RYR3: variants seen among roughly 807,000 people sequenced by gnomAD.
RYR3 encodes the protein ryanodine receptor 3.
Under a neutral mutation model 584.3 loss-of-function variants are expected in RYR3, and 207 were observed. The observed-to-expected ratio is 0.35, with a 90% confidence interval of 0.32 to 0.40. The LOEUF is 0.40. RYR3 is among the 10% of genes least tolerant of loss of function. RYR3 has a pLI of 1.00. For synonymous variants in RYR3, 2,416 were observed against 2,248.5 expected (o/e 1.07, Z -2.11); for missense variants, 5,616 against 6,089.2 (o/e 0.92, Z 2.59).
Position 33,478,765 on chromosome 15 carries a change from A to G in RYR3, c.171+5227A>G, listed in dbSNP as rs117873840. On this transcript the variant is annotated intron_variant, in intron 2 of 103. Transcript: ENST00000634891. Reference sequence around the variant, plus strand: ...AACCCCAATACCCTTCCAAATCCCAACTTCCACCTTTCTTAATAGTAGATC... The same window carrying G: ...AACCCCAATACCCTTCCAAATCCCAGCTTCCACCTTTCTTAATAGTAGATC... 4.9e-3 allele frequency among the ~76,000 whole-genome samples: 743 copies of G among 152,274 alleles called. 13 individuals are homozygous for G. Among genetic ancestry groups the G allele is most frequent in the South Asian group, 0.046 (221 of 4,820 alleles).
rs1296685998 is a variant in RYR3 at position 33,861,867 on chromosome 15, T to C, written c.14465+689T>C. 3.3e-5 allele frequency among the ~76,000 whole-genome samples: 5 copies of C among 152,112 alleles called. No individual in the cohort carries two copies. The East Asian group carries it at 9.6e-4, about 29-fold the overall frequency. ...CTTGAACTCCTGACCTCAGGTGATC[T>C]GCCTGCCTCGGCCTCTCAGTGCTAG... On this transcript the variant is annotated intron_variant, in intron 102 of 103. Transcript: ENST00000634891.
chr15:33,691,626 A>C (rs1430394927), intron 38 of RYR3, among the ~76,000 whole-genome samples: 18 of 152,328 alleles, frequency 1.2e-4, no homozygotes, highest in Non-Finnish European at 2.9e-5. Flanking sequence ...ACTCCATCAC[A>C]CAAGTACTTT....
intron 3 of RYR3, among the ~76,000 whole-genome samples, chr15:33,513,647 G>A (rs1490795637): frequency 1.3e-5 from 2 of 152,160 alleles, no homozygotes; most frequent in Non-Finnish European, 2.9e-5. Flanking sequence ...TAGTGAGGTG[G>A]GAGATGGGGA....
chr15:33,521,047 G>C (rs538213201), intron 3 of RYR3, among the ~76,000 whole-genome samples: 31 of 152,254 alleles, frequency 2.0e-4, no homozygotes, highest in African/African-American at 7.2e-4. Flanking sequence ...AGGTTCCCCA[G>C]TTGTCTTCAG....
In RYR3 at chr15:33,634,716, C is replaced by T. The variant is rs1364719376; in HGVS notation, c.3158C>T (p.Pro1053Leu). ...GTTGGTTACGGGTATAACATTGAGC[C>T]ATCAGACCAAGAACTAGGTAATGAG... Reference protein sequence around the residue: ...TFVGYGYNIEPSDQELADSAV... With the variant: ...TFVGYGYNIELSDQELADSAV... The change falls in exon 25 of 104, where the codon CCA (proline) becomes CTA (leucine). Residue 1053 changes from proline to leucine, a missense_variant. By Grantham distance (98) the Pro-to-Leu change is moderately conservative (BLOSUM62 -3). Transcript: ENST00000634891. 1 of 1,613,934 alleles carries T rather than the reference C, an allele frequency of 6.2e-7. No individual in the cohort carries two copies. Among genetic ancestry groups the T allele is most frequent in the Admixed American group, 1.7e-5 (1 of 60,020 alleles).
intron 3 of RYR3, among the ~76,000 whole-genome samples, chr15:33,507,003 C>T (rs970201130): frequency 3.3e-5 from 5 of 152,112 alleles, no homozygotes; most frequent in African/African-American, 1.2e-4. Flanking sequence ...TGGAAATAGC[C>T]ATTTTCTGCT....
chr15:33,375,616 T>C (rs1340191525), intron 1 of RYR3, among the ~76,000 whole-genome samples: 1 of 152,190 alleles, frequency 6.6e-6, no homozygotes, highest in Admixed American at 6.5e-5. Context: ...TCTATCCACA[T>C]GTAGGGGTGA....
At position 33,825,601 on chromosome 15, in the gene RYR3, A is replaced by G; in HGVS notation, c.11073-2A>G. 6.2e-7 allele frequency: 1 copy of G among 1,607,956 alleles called. No homozygotes were observed. Among genetic ancestry groups the G allele is most frequent in the Non-Finnish European group, 8.5e-7 (1 of 1,175,522 alleles). On this transcript the variant is annotated splice_acceptor_variant, in intron 81 of 103. Coordinates refer to ENST00000634891, the MANE Select transcript of RYR3 (RefSeq NM_001036.6). LOFTEE classifies it high-confidence loss of function. ...ACCTTGTTTCTTTCTGTCTATTAAA[A>G]GTGTCCTTGATTTGAATGCATTTGA... is the stretch of plus-strand genomic sequence containing the variant.
chr15:33,788,662 C>T (rs2074895795), intron 67 of RYR3, among the ~76,000 whole-genome samples: 1 of 152,196 alleles, frequency 6.6e-6, no homozygotes, highest in Non-Finnish European at 1.5e-5. Flanking sequence ...TCTGTATGGT[C>T]TGTGACATGG....
At chr15:33,487,678 A>T (rs2596175) in intron 2 of RYR3, among the ~76,000 whole-genome samples, 84,712 of 152,006 alleles carry the variant, frequency 0.56, 23,792 homozygotes, top group African/African-American at 0.62. Flanking sequence ...AAACTAGCCT[A>T]CATCAGGCCG....
At chr15:33,818,807 C>T in intron 76 of RYR3, 123 bp downstream of exon 76, 1 of 690,450 alleles carries the variant, frequency 1.4e-6, no homozygotes, top group Non-Finnish European at 2.5e-6. Context: ...GCCCTCCTTG[C>T]TGCCTTATAT....
intron 38 of RYR3, among the ~76,000 whole-genome samples, chr15:33,686,985 C>A (rs950537491): frequency 1.3e-5 from 2 of 152,334 alleles, no homozygotes; most frequent in Admixed American, 6.5e-5. Context: ...AAACTGGAAG[C>A]ATTCCCTTTG....
At chr15:33,457,881 C>T (rs2047693122) in intron 1 of RYR3, among the ~76,000 whole-genome samples, 1 of 152,162 alleles carries the variant, frequency 6.6e-6, no homozygotes, top group South Asian at 2.1e-4. Flanking sequence ...GTTTTACTTG[C>T]TGTCCTTTGA....
intron 38 of RYR3, among the ~76,000 whole-genome samples, chr15:33,687,309 C>T (rs148217915): frequency 0.019 from 2,875 of 152,250 alleles, 29 homozygotes; most frequent in African/African-American, 0.028. Flanking sequence ...AACTCCCATT[C>T]GCAATTGCTA....
chr15:33,742,498 C>T lies in RYR3; in HGVS notation c.7899+54C>T, dbSNP rs193112575. On this transcript the variant is annotated intron_variant, in intron 52 of 103. Coordinates refer to ENST00000634891, the MANE Select transcript of RYR3 (RefSeq NM_001036.6). ...TCAGGAAGGAAAAACAGCCCAAGAA[C>T]ATTAAAGGGCCCAGTCCTGGAAATC... 1.8e-5 allele frequency: 20 copies of T among 1,137,184 alleles called. No individual in the cohort carries two copies. The East Asian group carries it at 4.4e-4, about 25-fold the overall frequency. The allele number at this position is 1,137,184 out of a possible 1,614,324, so 70.4% of individuals were successfully genotyped here.
At chr15:33,631,090 C>G (rs1330191266) in intron 22 of RYR3, 120 bp from the exon 23 acceptor site, 1 of 614,032 alleles carries the variant, frequency 1.6e-6, no homozygotes, top group African/African-American at 1.9e-5. Flanking sequence ...CAGAAAAAGT[C>G]TACTGACCCC....
At chr15:33,720,355 C>T (rs1359134504) in intron 43 of RYR3, among the ~76,000 whole-genome samples, 1 of 152,154 alleles carries the variant, frequency 6.6e-6, no homozygotes, top group African/African-American at 2.4e-5. Context: ...TACAGGCATT[C>T]GGACAGCAAG....
At chr15:33,742,094 G>A (rs1349367238) in intron 51 of RYR3, among the ~76,000 whole-genome samples, 1 of 152,196 alleles carries the variant, frequency 6.6e-6, no homozygotes, top group African/African-American at 2.4e-5. Flanking sequence ...CAGGAGCCAA[G>A]AGACCCTGGA....
At chr15:33,799,735 G>A (rs2075820755) in intron 67 of RYR3, among the ~76,000 whole-genome samples, 1 of 152,252 alleles carries the variant, frequency 6.6e-6, no homozygotes, top group South Asian at 2.1e-4. Flanking sequence ...CCTGGGACTT[G>A]AGACCGGCAT....
Sources: allele counts gnomAD v4.1 joint callset (sites outside exome capture counted in the v4.1 genomes callset), GRCh38; gene constraint gnomAD v4.1.1; transcripts MANE v1.5; gene names NCBI Gene and HGNC (gene_info 2026-07-23, HGNC 2026-07-21).